The following SLC39A3 variants were observed in gnomAD, a reference collection of about 807,000 sequenced individuals.
SLC39A3 encodes the protein solute carrier family 39 member 3.
A neutral mutation model predicts 5.1 loss-of-function variants in SLC39A3; 3 were observed. The ratio of observed to expected loss-of-function variants is 0.59; its 90% confidence interval spans 0.27 to 1.54. SLC39A3 has a LOEUF of 1.54. SLC39A3 is among the 40% of genes most tolerant of loss of function. SLC39A3 has a pLI of 0.12. For missense variants in SLC39A3, 412 were observed against 436.4 expected, an observed-to-expected ratio of 0.94 and a Z score of 0.50; for synonymous variants, 250 against 218.8, an observed-to-expected ratio of 1.14 and a Z score of -1.26.
At chr19:2,736,051 C>G (rs1172700016) in intron 2 of SLC39A3, 4 of 985,396 alleles carry the variant, frequency 4.1e-6, no homozygotes, top group Admixed American at 1.2e-4. Context: ...GGAAGCCACT[C>G]ACCCAGGGTC....
At chr19:2,739,626 C>T (rs1432272314) in intron 1 of SLC39A3, among the ~76,000 whole-genome samples, 1 of 152,174 alleles carries the variant, frequency 6.6e-6, no homozygotes, top group Non-Finnish European at 1.5e-5. Flanking sequence ...TTGCTCAGGG[C>T]CAGCTGCACC....
Position 2,733,564 on chromosome 19 carries a change from G to T in SLC39A3, c.211-79C>A. 1.3e-6 allele frequency: 2 copies of T among 1,504,176 alleles called. No individual in the cohort carries two copies. The highest frequency in any genetic ancestry group is 8.9e-7 in the Non-Finnish European group (1 of 1,126,960). 93.2% of individuals were successfully genotyped at this position (1,504,176 alleles called of 1,614,324 possible). A position where few individuals can be genotyped will look rare whatever the true frequency, so the allele number is the denominator to read the frequency against. ...GCGACAGGGCTGGCCAGATGTCACCGTTCAAAGCAAAGTCCAGAAATCCCC... is the reference window on the plus strand; with the variant it reads ...GCGACAGGGCTGGCCAGATGTCACCTTTCAAAGCAAAGTCCAGAAATCCCC... On this transcript the variant is annotated intron_variant, in intron 2 of 2. Transcript: ENST00000269740. This position sits in a 1 kb window ranked among gnomAD's most constrained non-coding sequence, Gnocchi z 6.1.
At chr19:2,738,305 G>C (rs1035546785) in intron 1 of SLC39A3, among the ~76,000 whole-genome samples, 5 of 151,540 alleles carry the variant, frequency 3.3e-5, no homozygotes, top group African/African-American at 1.2e-4. Context: ...CTTGACTTCT[G>C]TGGTTACCGT....
chr19:2,733,069 T>A lies in SLC39A3; in HGVS notation c.627A>T (p.Thr209=). Residue 209 remains threonine (T), a synonymous_variant, in exon 3 of 3, where the codon ACA becomes ACT. Coordinates refer to ENST00000269740, the MANE Select transcript of SLC39A3 (RefSeq NM_144564.5). The surrounding 1 kb of genome is among the most constrained non-coding windows in gnomAD (Gnocchi z 6.1). ...SLFVGVAVHE[T]LVAVALGISM... ...TGATGCCCAGGGCCACGGCCACCAG[T>A]GTCTCGTGGACGGCCACCCCCACGA... 6.2e-7 allele frequency: 1 copy of A among 1,610,058 alleles called. No individual in the cohort carries two copies. The highest frequency in any genetic ancestry group is 8.5e-7 in the Non-Finnish European group (1 of 1,178,644).
chr19:2,738,183 G>C lies in SLC39A3; in HGVS notation c.-122-804C>G, dbSNP rs1270376184. Among the ~76,000 whole-genome samples, 8 of 108,406 alleles carry C rather than the reference G, an allele frequency of 7.4e-5. No individual in the cohort carries two copies. The Admixed American group carries it at 9.1e-4, about 12-fold the overall frequency. The allele number at this position is 108,406 out of a possible 152,430, so 71.1% of individuals were successfully genotyped here. ...CACCGCACTCCAGGCTGGGCAACAA[G>C]AGCAAAACTCCATCTCAAAAAAAAA... On this transcript the variant is annotated intron_variant, in intron 1 of 2. Coordinates refer to ENST00000269740, the MANE Select transcript of SLC39A3 (RefSeq NM_144564.5).
In SLC39A3 at chr19:2,734,083, C is replaced by G. The variant is rs527682815; in HGVS notation, c.211-598G>C. Among the ~76,000 whole-genome samples, 2 of 152,350 alleles carry G rather than the reference C, an allele frequency of 1.3e-5. No homozygotes were observed. Among genetic ancestry groups the G allele is most frequent in the East Asian group, 3.9e-4 (2 of 5,178 alleles). ...GAGGGGAGACTTTGGTGGGGAGAAA[C>G]TAGACGTGGGTCAGACGGGAGCCGC... On this transcript the variant is annotated intron_variant, in intron 2 of 2. Transcript: ENST00000269740. The surrounding 1 kb of genome is among the most constrained non-coding windows in gnomAD (Gnocchi z 4.6).
chr19:2,732,714 C>T lies in SLC39A3; in HGVS notation c.*37G>A, dbSNP rs531200495. 4.8e-4 allele frequency: 722 copies of T among 1,507,112 alleles called. No individual in the cohort carries two copies. Among genetic ancestry groups the T allele is most frequent in the Middle Eastern group, 3.4e-3 (17 of 5,034 alleles). The allele number at this position is 1,507,112 out of a possible 1,614,324, so 93.4% of individuals were successfully genotyped here. ...CGGCCTGTGTCCGGCCCGGGGCTCC[C>T]GGCGGGCTCCGGCGGCAGGGACAAT... On this transcript the variant is annotated 3_prime_UTR_variant, in exon 3 of 3. Transcript: ENST00000269740.
chr19:2,733,338 T>C lies in SLC39A3; in HGVS notation c.358A>G (p.Thr120Ala). The C allele has an allele frequency of 1.9e-6, 3 of 1,612,886 alleles. No individual in the cohort carries two copies. The highest frequency in any genetic ancestry group is 2.5e-6 in the Non-Finnish European group (3 of 1,179,938). The change falls in exon 3 of 3, where the codon ACC becomes GCC. Residue 120 changes from threonine to alanine, a missense_variant. By Grantham distance (58) the Thr-to-Ala change is moderately conservative. Coordinates refer to ENST00000269740, the MANE Select transcript of SLC39A3 (RefSeq NM_144564.5). This position sits in a 1 kb window ranked among gnomAD's most constrained non-coding sequence, Gnocchi z 6.1. ...KEKPSFIDLE[T>A]FNAGSDVGSD... ...CCCACGTCCGATCCGGCGTTGAAGGTCTCCAGGTCGATGAAGGACGGCTTC... is the reference window on the plus strand; with the variant it reads ...CCCACGTCCGATCCGGCGTTGAAGGCCTCCAGGTCGATGAAGGACGGCTTC...
intron 2 of SLC39A3, chr19:2,736,790 C>G (rs1191619003): frequency 1.0e-5 from 15 of 1,448,834 alleles, no homozygotes; most frequent in Non-Finnish European, 1.4e-5. Flanking sequence ...GGTGGGTAGT[C>G]TGGTCTGATT....
rs1380409943 is a variant in SLC39A3, at chr19:2,732,848, G to A, written c.848C>T (p.Ala283Val). ...GTCACTCTTCTCCTCCAGCTCCTTG[G>A]CCAGGATCTCCAGGAAGGTGATGAA... is the stretch of plus-strand genomic sequence containing the variant. ...FLFITFLEIL[A>V]KELEEKSDRL... The change falls in exon 3 of 3, where the codon GCC (alanine) becomes GTC (valine). Residue 283 changes from alanine (A) to valine (V), a missense_variant. Transcript: ENST00000269740. 1 of 1,612,010 alleles carries A rather than the reference G, an allele frequency of 6.2e-7. No individual in the cohort carries two copies. Among genetic ancestry groups the A allele is most frequent in the Non-Finnish European group, 8.5e-7 (1 of 1,179,420 alleles).
In SLC39A3 at chr19:2,737,322, C is replaced by A; in HGVS notation, c.-65G>T. 6.6e-7 allele frequency: 1 copy of A among 1,520,236 alleles called. No homozygotes were observed. The highest frequency in any genetic ancestry group is 2.4e-5 in the East Asian group (1 of 40,858). 94.2% of individuals were successfully genotyped at this position (1,520,236 alleles called of 1,614,324 possible). ...CCATCTGTGGGCGCACACCCAAGTC[C>A]CACGATGTGCTACCGAGCCCAACCA... On this transcript the variant is annotated 5_prime_UTR_variant, in exon 2 of 3. Coordinates refer to ENST00000269740, the MANE Select transcript of SLC39A3 (RefSeq NM_144564.5).
Position 2,732,691 on chromosome 19 carries a change from GC to G in SLC39A3, c.*59del. On this transcript the variant is annotated 3_prime_UTR_variant, in exon 3 of 3. Transcript: ENST00000269740. ...GGGGGACGCGCGGCCGGGGGACGCG[GC>G]CTGTGTCCGGCCCGGGGCTCCCGGC... is the stretch of plus-strand genomic sequence containing the variant. The G allele has an allele frequency of 6.7e-7, 1 of 1,481,516 alleles. No individual in the cohort carries two copies. Among genetic ancestry groups the G allele is most frequent in the South Asian group, 1.4e-5 (1 of 70,828 alleles). The allele number at this position is 1,481,516 out of a possible 1,614,324, so 91.8% of individuals were successfully genotyped here.
At position 2,734,521 on chromosome 19, in the gene SLC39A3, G is replaced by C. The variant is rs1448611680; in HGVS notation, c.211-1036C>G. The C allele has an allele frequency of 6.3e-6, 1 of 159,402 alleles. No individual in the cohort carries two copies. Among genetic ancestry groups the C allele is most frequent in the African/African-American group, 2.4e-5 (1 of 41,602 alleles). The allele number at this position is 159,402 out of a possible 1,614,324, so 9.9% of individuals were successfully genotyped here. ...GGCGATTCTGCCCGTGTGGACACCT[G>C]GCAATGTCTGGAAACATTTTTTATT... On this transcript the variant is annotated intron_variant, in intron 2 of 2. Coordinates refer to ENST00000269740, the MANE Select transcript of SLC39A3 (RefSeq NM_144564.5). This position sits in a 1 kb window ranked among gnomAD's most constrained non-coding sequence, Gnocchi z 4.6.
At position 2,737,169 on chromosome 19, in the gene SLC39A3, A is replaced by G. The variant is rs1216388823; in HGVS notation, c.89T>C (p.Ile30Thr). Residue 30 changes from isoleucine to threonine, a missense_variant, in exon 2 of 3, where the codon ATC becomes ACC. By Grantham distance (89) the Ile-to-Thr change is moderately conservative. Transcript: ENST00000269740. Reference protein sequence around the residue: ...LLGSLLPVKIIETDFEKAHRS... With the variant: ...LLGSLLPVKITETDFEKAHRS... Reference sequence around the variant, plus strand: ...ATGGGCCTTCTCAAAATCTGTCTCGATGATCTTCACGGGGAGCAGGGAGCC... The same window carrying G: ...ATGGGCCTTCTCAAAATCTGTCTCGGTGATCTTCACGGGGAGCAGGGAGCC... 13 of 1,613,984 alleles carry G rather than the reference A, an allele frequency of 8.1e-6. No individual in the cohort carries two copies. Among genetic ancestry groups the G allele is most frequent in the Non-Finnish European group, 1.0e-5 (12 of 1,180,014 alleles).
intron 1 of SLC39A3, among the ~76,000 whole-genome samples, chr19:2,738,734 C>T (rs1227809875): frequency 1.3e-5 from 2 of 152,038 alleles, no homozygotes; most frequent in Admixed American, 6.6e-5. Flanking sequence ...GTCGAGAGTT[C>T]AAGACCAGCC....
At position 2,733,420 on chromosome 19, in the gene SLC39A3, C is replaced by G; in HGVS notation, c.276G>C (p.Leu92=). ...TDYPLAETIL[L]LGFFMTVFLE... ...GGAAGACGGTCATGAAGAAGCCCAG[C>G]AGGAGGATGGTTTCGGCCAGCGGGT... is the stretch of plus-strand genomic sequence containing the variant. Residue 92 remains leucine, a synonymous_variant, in exon 3 of 3, where the codon CTG becomes CTC. Transcript: ENST00000269740. This position sits in a 1 kb window ranked among gnomAD's most constrained non-coding sequence, Gnocchi z 6.1. The G allele has an allele frequency of 6.2e-7, 1 of 1,613,020 alleles. No homozygotes were observed.
In SLC39A3 at chr19:2,733,441, CG is replaced by C. The variant is rs781204533; in HGVS notation, c.254del (p.Pro85ArgfsTer13). On this transcript the variant is annotated frameshift_variant, in exon 3 of 3. Transcript: ENST00000269740. LOFTEE classifies it low-confidence loss of function (END_TRUNC). The surrounding 1 kb of genome is among the most constrained non-coding windows in gnomAD (Gnocchi z 6.1). ...LSLGHISTDY[P>X]LAETILLLGF... ...CCAGCAGGAGGATGGTTTCGGCCAG[CG>C]GGTAGTCGGTGCTGATGTGGCCGAG... 5.0e-6 allele frequency: 8 copies of C among 1,612,690 alleles called. No individual in the cohort carries two copies. The highest frequency in any genetic ancestry group is 2.5e-6 in the Non-Finnish European group (3 of 1,179,994).
Position 2,735,254 on chromosome 19 carries a change from G to T in SLC39A3, c.211-1769C>A. ...GTGCAGATGTCAGTCTTCACACACC[G>T]CGTAACGAACGAATGCAGACTCAGC... On this transcript the variant is annotated intron_variant, in intron 2 of 2. Coordinates refer to ENST00000269740, the MANE Select transcript of SLC39A3 (RefSeq NM_144564.5). The surrounding 1 kb of genome is among the most constrained non-coding windows in gnomAD (Gnocchi z 5.7). 1 of 982,074 alleles carries T rather than the reference G, an allele frequency of 1.0e-6. No individual in the cohort carries two copies. Among genetic ancestry groups the T allele is most frequent in the Non-Finnish European group, 1.2e-6 (1 of 826,888 alleles). The allele number at this position is 982,074 out of a possible 1,614,324, so 60.8% of individuals were successfully genotyped here. A position where few individuals can be genotyped will look rare whatever the true frequency, so the allele number is the denominator to read the frequency against.
chr19:2,737,419 T>C, intron 1 of SLC39A3, 40 bp from the exon 2 acceptor site: 1 of 1,359,944 alleles, frequency 7.4e-7, no homozygotes, highest in South Asian at 1.6e-5. Context: ...TTCTTTCTTT[T>C]TTCTTTTTTT....
Sources: gnomAD v4.1 joint callset for allele counts (sites outside exome capture counted in the v4.1 genomes callset) on GRCh38, gnomAD v4.1.1 for gene constraint, Gnocchi (gnomAD v3.1) non-coding constraint, MANE v1.5 for transcripts, NCBI Gene and HGNC (gene_info 2026-07-23, HGNC 2026-07-21) for gene names.